The following FHIT variants were observed in gnomAD, a reference collection of about 807,000 sequenced individuals.
The protein encoded by FHIT is bis(5'-adenosyl)-triphosphatase.
A neutral mutation model predicts 17.9 loss-of-function variants in FHIT; 19 were observed. The observed-to-expected ratio is 1.06, with a 90% confidence interval of 0.74 to 1.56. The LOEUF (loss-of-function observed/expected upper bound fraction) is 1.56, where lower values mean the gene tolerates loss of function less well. FHIT is among the 40% of genes most tolerant of loss of function. The pLI is 0.00. For missense variants in FHIT, 248 were observed against 189.2 expected, an observed-to-expected ratio of 1.31 and a Z score of -1.82; for synonymous variants, 81 against 69.7, an observed-to-expected ratio of 1.16 and a Z score of -0.81.
intron 5 of FHIT, among the ~76,000 whole-genome samples, chr3:60,032,891 T>C (rs1295090632): frequency 4.6e-5 from 7 of 152,156 alleles, no homozygotes; most frequent in African/African-American, 1.4e-4. Context: ...AGCTAGCATC[T>C]ACCCTGGAGC....
intron 5 of FHIT, among the ~76,000 whole-genome samples, chr3:60,321,110 C>A (rs1709408296): frequency 6.6e-6 from 1 of 152,174 alleles, no homozygotes; most frequent in Non-Finnish European, 1.5e-5. Context: ...GACTCCCCAA[C>A]TCTAAGCAAC....
intron 5 of FHIT, among the ~76,000 whole-genome samples, chr3:60,186,153 A>G (rs983785215): frequency 2.0e-5 from 3 of 152,066 alleles, no homozygotes; most frequent in African/African-American, 7.2e-5. Context: ...AATTAAGTGT[A>G]ACTTACGATT....
intron 5 of FHIT, among the ~76,000 whole-genome samples, chr3:60,139,901 A>C (rs1699967415): frequency 6.6e-6 from 1 of 152,042 alleles, no homozygotes; most frequent in Non-Finnish European, 1.5e-5. Context: ...AGGTGGGTGG[A>C]TCATGAGGTC....
intron 4 of FHIT, among the ~76,000 whole-genome samples, chr3:60,733,360 A>C (rs570149963): frequency 5.3e-5 from 8 of 152,310 alleles, no homozygotes; most frequent in Non-Finnish European, 8.8e-5. Context: ...TTTGCTTGAA[A>C]TCTTTTATTG....
intron 4 of FHIT, among the ~76,000 whole-genome samples, chr3:60,642,254 C>A (rs575442902): frequency 6.6e-6 from 1 of 152,144 alleles, no homozygotes; most frequent in Non-Finnish European, 1.5e-5. Flanking sequence ...GCTAGGAAGG[C>A]GGGGGATGGA....
At chr3:60,706,731 T>C (rs2041382251) in intron 4 of FHIT, among the ~76,000 whole-genome samples, 1 of 152,216 alleles carries the variant, frequency 6.6e-6, no homozygotes, top group African/African-American at 2.4e-5. Context: ...TCCCATTTGG[T>C]CTGATTCATT....
At chr3:60,215,559 T>C (rs1205611948) in intron 5 of FHIT, among the ~76,000 whole-genome samples, 1 of 151,878 alleles carries the variant, frequency 6.6e-6, no homozygotes, top group Non-Finnish European at 1.5e-5. Flanking sequence ...TGGTACTCCA[T>C]CTCAAAAAAT....
intron 4 of FHIT, among the ~76,000 whole-genome samples, chr3:60,551,867 C>G (rs2036570583): frequency 6.6e-6 from 1 of 151,608 alleles, no homozygotes; most frequent in African/African-American, 2.4e-5. Context: ...TAAAATTCAC[C>G]CTTCTAGTGT....
chr3:61,190,227 C>T (rs1477019223), intron 2 of FHIT, among the ~76,000 whole-genome samples: 2 of 152,098 alleles, frequency 1.3e-5, no homozygotes, highest in African/African-American at 4.8e-5. Context: ...TGAACTCAAA[C>T]AAATTTACAA....
intron 5 of FHIT, among the ~76,000 whole-genome samples, chr3:60,113,287 A>G (rs904819786): frequency 1.5e-4 from 23 of 152,196 alleles, no homozygotes; most frequent in African/African-American, 5.1e-4. Context: ...CATACCAAGC[A>G]TTCAATAAAT....
At chr3:60,153,592 CT>C (rs1223305747) in intron 5 of FHIT, among the ~76,000 whole-genome samples, 1 of 152,144 alleles carries the variant, frequency 6.6e-6, no homozygotes, top group Admixed American at 6.5e-5. Context: ...CCAGGCACTG[CT>C]TTTCTTTGTT....
intron 5 of FHIT, among the ~76,000 whole-genome samples, chr3:60,141,011 T>C (rs1365750169): frequency 1.3e-5 from 2 of 152,130 alleles, no homozygotes; most frequent in Non-Finnish European, 2.9e-5. Context: ...CAAAAGAAAT[T>C]CAAAGTTTTA....
chr3:60,499,530 T>C (rs2034437170), intron 5 of FHIT, among the ~76,000 whole-genome samples: 1 of 152,128 alleles, frequency 6.6e-6, no homozygotes, highest in African/African-American at 2.4e-5. Flanking sequence ...TAGCTGGGAC[T>C]ATAAGTGCCC....
At chr3:60,878,776 G>C (rs1437190422) in intron 3 of FHIT, among the ~76,000 whole-genome samples, 1 of 152,132 alleles carries the variant, frequency 6.6e-6, no homozygotes, top group Non-Finnish European at 1.5e-5. Flanking sequence ...TGCTGAGAAT[G>C]ATGGTTTCCA....
intron 5 of FHIT, among the ~76,000 whole-genome samples, chr3:60,202,741 C>T (rs1702974421): frequency 1.3e-5 from 2 of 152,084 alleles, no homozygotes. Flanking sequence ...ATCATAAGGC[C>T]AAGAATCATC....
chr3:60,667,415 C>T (rs1371125247), intron 4 of FHIT, among the ~76,000 whole-genome samples: 1 of 151,984 alleles, frequency 6.6e-6, no homozygotes, highest in African/African-American at 2.4e-5. Flanking sequence ...TAATACTATC[C>T]AGCACTATTT....
At chr3:59,824,966 T>C (rs1348929246) in intron 8 of FHIT, among the ~76,000 whole-genome samples, 1 of 152,200 alleles carries the variant, frequency 6.6e-6, no homozygotes, top group Middle Eastern at 3.2e-3. Context: ...CTGTTAGGAT[T>C]CTCCAGCTAC....
intron 5 of FHIT, among the ~76,000 whole-genome samples, chr3:60,077,157 T>C (rs575879911): frequency 5.4e-4 from 82 of 152,154 alleles, no homozygotes; most frequent in Non-Finnish European, 1.1e-3. Context: ...TGAAGTATAT[T>C]TCAGGCAGAA....
At chr3:61,184,081 T>A (rs1039697532) in intron 2 of FHIT, among the ~76,000 whole-genome samples, 1 of 152,100 alleles carries the variant, frequency 6.6e-6, no homozygotes, top group African/African-American at 2.4e-5. Flanking sequence ...AAGAGAAATC[T>A]GGGACCTGAT....
Sources: allele counts gnomAD v4.1 joint callset (sites outside exome capture counted in the v4.1 genomes callset), GRCh38; gene constraint gnomAD v4.1.1; transcripts MANE v1.5; gene names NCBI Gene and HGNC (gene_info 2026-07-23, HGNC 2026-07-21).